Variants in SORL1-AS1 observed in about 807,000 individuals in gnomAD.
SORL1-AS1 encodes the protein SORL1 antisense RNA 1, also known as lncRNA 51 A.
rs1860779328 is a variant in SORL1-AS1 at position 121,450,792 on chromosome 11, T to C, written n.340-893A>G. Reference sequence around the variant, plus strand: ...GATGGACAGAAAGACATCATCTGACTTGGGGAGAAAATCGGGTGTGGGAGG... The same window carrying C: ...GATGGACAGAAAGACATCATCTGACCTGGGGAGAAAATCGGGTGTGGGAGG... On this transcript the variant is annotated intron_variant and non_coding_transcript_variant, in intron 1 of 1. Coordinates refer to ENST00000501964, the Ensembl canonical transcript of SORL1-AS1. The surrounding 1 kb of genome is among the most constrained non-coding windows in gnomAD (Gnocchi z 5.2). Among the ~76,000 whole-genome samples, 2 of 152,076 alleles carry C rather than the reference T, an allele frequency of 1.3e-5. No homozygotes were observed. The highest frequency in any genetic ancestry group is 4.8e-5 in the African/African-American group (2 of 41,408).
chr11:121,444,072 ATG>A (rs956369934), downstream of SORL1-AS1, among the ~76,000 whole-genome samples: 4 of 149,678 alleles, frequency 2.7e-5, no homozygotes, highest in Admixed American at 1.3e-4. Context: ...TTGCTAAGAA[ATG>A]TGTGTGTGTG....
chr11:121,445,476 C>T (rs1010009883), downstream of SORL1-AS1, among the ~76,000 whole-genome samples: 1 of 152,208 alleles, frequency 6.6e-6, no homozygotes, highest in Non-Finnish European at 1.5e-5. Context: ...GCTGTCCCCA[C>T]AGCTCTCCTT....
chr11:121,452,361 G>A lies in SORL1-AS1; in HGVS notation n.339+314C>T. ...CGACACGGAGCAGCAGGAGGGAGTC[G>A]CGACTCCCGTTCCTATTCACCCTGG... On this transcript the variant is annotated intron_variant and non_coding_transcript_variant, in intron 1 of 1. Transcript: ENST00000501964. The surrounding 1 kb of genome is among the most constrained non-coding windows in gnomAD (Gnocchi z 5.3). 6.4e-7 allele frequency: 1 copy of A among 1,553,378 alleles called. No homozygotes were observed. The highest frequency in any genetic ancestry group is 8.7e-7 in the Non-Finnish European group (1 of 1,154,308).
the SORL1-AS1 span, among the ~76,000 whole-genome samples, chr11:121,442,026 T>C: frequency 6.6e-6 from 1 of 152,210 alleles, no homozygotes; most frequent in African/African-American, 2.4e-5. Flanking sequence ...TAGTTATTTT[T>C]GATAGACAGA....
Position 121,452,729 on chromosome 11 carries a change from C to A in SORL1-AS1, n.285G>T, listed in dbSNP as rs1000429006. ...TAGGTGCAGGCACCACTGGGGACTTCCCGGCTTGCATTTGTTTTTTTCCTT... is the reference window on the plus strand; with the variant it reads ...TAGGTGCAGGCACCACTGGGGACTTACCGGCTTGCATTTGTTTTTTTCCTT... On this transcript the variant is annotated non_coding_transcript_exon_variant, in exon 1 of 2. Coordinates refer to ENST00000501964, the Ensembl canonical transcript of SORL1-AS1. The surrounding 1 kb of genome is among the most constrained non-coding windows in gnomAD (Gnocchi z 5.3). 6 of 947,538 alleles carry A rather than the reference C, an allele frequency of 6.3e-6. No individual in the cohort carries two copies. Among genetic ancestry groups the A allele is most frequent in the Non-Finnish European group, 5.8e-6 (4 of 690,508 alleles). The allele number at this position is 947,538 out of a possible 1,614,324, so 58.7% of individuals were successfully genotyped here. A position where few individuals can be genotyped will look rare whatever the true frequency, so the allele number is the denominator to read the frequency against.
downstream of SORL1-AS1, among the ~76,000 whole-genome samples, chr11:121,442,724 G>A (rs539180607): frequency 2.7e-5 from 4 of 148,080 alleles, no homozygotes; most frequent in East Asian, 8.0e-4. Context: ...TGTCGCCCAG[G>A]CTGGAGTGCA....
Position 121,450,681 on chromosome 11 carries a change from G to C in SORL1-AS1, n.340-782C>G, listed in dbSNP as rs1299738181. Among the ~76,000 whole-genome samples the C allele has an allele frequency of 2.6e-5, 4 of 152,098 alleles. No homozygotes were observed. The highest frequency in any genetic ancestry group is 5.9e-5 in the Non-Finnish European group (4 of 68,012). ...TGGTATTTTGATACCTGTATACAAT[G>C]TATAATGAACAAAGCAGGGTGGTTA... On this transcript the variant is annotated intron_variant and non_coding_transcript_variant, in intron 1 of 1. Coordinates refer to ENST00000501964, the Ensembl canonical transcript of SORL1-AS1. The surrounding 1 kb of genome is among the most constrained non-coding windows in gnomAD (Gnocchi z 5.2).
intron 1 of SORL1-AS1, among the ~76,000 whole-genome samples, chr11:121,451,119 T>G (rs1375942651): frequency 6.6e-6 from 1 of 152,142 alleles, no homozygotes; most frequent in Non-Finnish European, 1.5e-5. Flanking sequence ...AAAGGTAGTC[T>G]CCCTTTCAGC....
chr11:121,439,393 C>T, the SORL1-AS1 span, among the ~76,000 whole-genome samples: 4 of 151,496 alleles, frequency 2.6e-5, no homozygotes, highest in East Asian at 1.9e-4. Flanking sequence ...TGGTGTTTAT[C>T]GAAGTCTTCT....
At chr11:121,444,280 A>G (rs908392568), downstream of SORL1-AS1, among the ~76,000 whole-genome samples, 4 of 152,232 alleles carry the variant, frequency 2.6e-5, no homozygotes, top group Admixed American at 6.5e-5. Context: ...ACAATACCTA[A>G]CCCGAGCTTT....
downstream of SORL1-AS1, among the ~76,000 whole-genome samples, chr11:121,442,717 C>T (rs1424194268): frequency 1.1e-4 from 16 of 148,442 alleles, no homozygotes; most frequent in African/African-American, 3.5e-4. Context: ...CTTGCTCTGT[C>T]GCCCAGGCTG....
rs569162932 is a variant in SORL1-AS1, at chr11:121,450,416, T to C, written n.340-517A>G. ...GGTGACAGTGGTTCAGTGGCTTTCT[T>C]GGAGGATGCATGATTGTTTGAATTA... On this transcript the variant is annotated intron_variant and non_coding_transcript_variant, in intron 1 of 1. Coordinates refer to ENST00000501964, the Ensembl canonical transcript of SORL1-AS1. This position sits in a 1 kb window ranked among gnomAD's most constrained non-coding sequence, Gnocchi z 5.2. Among the ~76,000 whole-genome samples, 1 of 152,158 alleles carries C rather than the reference T, an allele frequency of 6.6e-6. No homozygotes were observed. The highest frequency in any genetic ancestry group is 1.5e-5 in the Non-Finnish European group (1 of 68,008).
downstream of SORL1-AS1, among the ~76,000 whole-genome samples, chr11:121,443,552 CAG>C (rs1445431535): frequency 2.0e-5 from 3 of 152,184 alleles, no homozygotes; most frequent in Non-Finnish European, 2.9e-5. Flanking sequence ...TCAATATAAA[CAG>C]AGTCATGTAT....
chr11:121,439,408 G>C, the SORL1-AS1 span, among the ~76,000 whole-genome samples: 2 of 151,540 alleles, frequency 1.3e-5, no homozygotes, highest in African/African-American at 4.9e-5. Flanking sequence ...TCTTCTGCTT[G>C]TTTAAAAACA....
At chr11:121,442,348 A>G (rs977832126), downstream of SORL1-AS1, among the ~76,000 whole-genome samples, 3 of 152,132 alleles carry the variant, frequency 2.0e-5, no homozygotes, top group Admixed American at 1.3e-4. Context: ...TTAAGACTCA[A>G]TTGGGGCTGG....
chr11:121,439,420 T>A, the SORL1-AS1 span, among the ~76,000 whole-genome samples: 1 of 151,704 alleles, frequency 6.6e-6, no homozygotes, highest in Non-Finnish European at 1.5e-5. Flanking sequence ...TTAAAAACAT[T>A]GATTGTCCTT....
At chr11:121,445,533 A>G (rs1051236100), downstream of SORL1-AS1, among the ~76,000 whole-genome samples, 1 of 151,582 alleles carries the variant, frequency 6.6e-6, no homozygotes, top group Non-Finnish European at 1.5e-5. Context: ...AGCAGGCACC[A>G]CCCCACCTAC....
rs1315625582 is a variant in SORL1-AS1, at chr11:121,450,963, GGGGCTTT to G, written n.340-1071_340-1065del. ...TCAGTGGTAGTCCTAGGTAGAGGAG[GGGGCTTT>G]GCTAAGCTACCTGAAAAGTACTAGA... On this transcript the variant is annotated intron_variant and non_coding_transcript_variant, in intron 1 of 1. Transcript: ENST00000501964. This position sits in a 1 kb window ranked among gnomAD's most constrained non-coding sequence, Gnocchi z 5.2. Among the ~76,000 whole-genome samples the G allele has an allele frequency of 6.6e-6, 1 of 152,108 alleles. No homozygotes were observed. The highest frequency in any genetic ancestry group is 2.4e-5 in the African/African-American group (1 of 41,422).
downstream of SORL1-AS1, among the ~76,000 whole-genome samples, chr11:121,446,152 A>G (rs1012322204): frequency 3.9e-5 from 6 of 152,180 alleles, no homozygotes; most frequent in African/African-American, 1.4e-4. Flanking sequence ...TTTTACTTCA[A>G]TTCTGTAGGA....
Sources: allele counts gnomAD v4.1 joint callset (sites outside exome capture counted in the v4.1 genomes callset), GRCh38; gene constraint gnomAD v4.1.1; non-coding constraint Gnocchi (gnomAD v3.1); transcripts MANE v1.5; gene names NCBI Gene and HGNC (gene_info 2026-07-23, HGNC 2026-07-21).